ZNF302: variants seen among roughly 807,000 people sequenced by gnomAD.
ZNF302 encodes the protein zinc finger protein 302, also known as zinc finger protein 327.
ZNF302 carries 12 observed loss-of-function variants against 10.8 expected under a neutral mutation model. That is an observed-to-expected ratio of 1.11 (90% CI 0.71 to 1.79). The LOEUF (loss-of-function observed/expected upper bound fraction) is 1.79, where lower values mean the gene tolerates loss of function less well. Among genes scored for constraint, ZNF302 ranks in the 40% most tolerant of loss-of-function variants. The probability of loss-of-function intolerance (pLI) is 0.00; values close to 1 mark genes in which losing one functional copy is unlikely to be tolerated. For missense variants in ZNF302, 461 were observed against 471.1 expected, an observed-to-expected ratio of 0.98 and a Z score of 0.20; for synonymous variants, 178 against 157.5, an observed-to-expected ratio of 1.13 and a Z score of -0.98.
At position 34,679,521 on chromosome 19, in the gene ZNF302, G is replaced by C. The variant is rs116114180; in HGVS notation, c.9+708G>C. ...CTTCTCTGCCTCCTCATTCCTGTGC[G>C]CTCCAGCCTCTGTCACCAGTTGCTG... On this transcript the variant is annotated intron_variant, in intron 2 of 4. Transcript: ENST00000505242. Among the ~76,000 whole-genome samples, 409 of 152,152 alleles carry C rather than the reference G, an allele frequency of 2.7e-3. 2 individuals are homozygous for C. Among genetic ancestry groups the C allele is most frequent in the African/African-American group, 9.0e-3 (372 of 41,480 alleles).
rs369037102 is a variant in ZNF302, at chr19:34,683,266, C to T, written c.214+28C>T. 50 of 1,612,158 alleles carry T rather than the reference C, an allele frequency of 3.1e-5. 1 individual carries two copies. The Middle Eastern group carries it at 6.6e-4, about 21-fold the overall frequency. On this transcript the variant is annotated intron_variant, in intron 4 of 4. Coordinates refer to ENST00000505242, the MANE Select transcript of ZNF302 (RefSeq NM_001289187.2). ...ATGATTCCACATGAGTCATGGTGAACGAGACAAAGGAAGATTTTGTTAAAG... is the reference window on the plus strand; with the variant it reads ...ATGATTCCACATGAGTCATGGTGAATGAGACAAAGGAAGATTTTGTTAAAG...
Position 34,682,782 on chromosome 19 carries a change from A to G in ZNF302, c.15A>G (p.Thr5=), listed in dbSNP as rs1401597537. 6.2e-7 allele frequency: 1 copy of G among 1,613,438 alleles called. No homozygotes were observed. The highest frequency in any genetic ancestry group is 1.1e-5 in the South Asian group (1 of 91,072). MSQV[T]FSDVAIDFSH... is the part of the protein sequence containing the mutation. ...AAATATATTTGCTATTTCAGGTGAC[A>G]TTTAGTGATGTGGCTATAGACTTCT... The change falls in exon 3 of 5, where the codon ACA becomes ACG. Residue 5 remains threonine (T), a synonymous_variant. Coordinates refer to ENST00000505242, the MANE Select transcript of ZNF302 (RefSeq NM_001289187.2).
chr19:34,685,244 A>G lies in ZNF302; in HGVS notation c.*7A>G. ...AAAACCGTTTGAAGTTTAGAAATGCAGGAAATCCTTCAACCAGCTTGAATC... is the reference window on the plus strand; with the variant it reads ...AAAACCGTTTGAAGTTTAGAAATGCGGGAAATCCTTCAACCAGCTTGAATC... On this transcript the variant is annotated 3_prime_UTR_variant, in exon 5 of 5. Transcript: ENST00000505242. 1 of 1,613,262 alleles carries G rather than the reference A, an allele frequency of 6.2e-7. No individual in the cohort carries two copies. The highest frequency in any genetic ancestry group is 8.5e-7 in the Non-Finnish European group (1 of 1,179,532).
At chr19:34,680,460 ATTTT>A (rs1005320186) in intron 2 of ZNF302, among the ~76,000 whole-genome samples, 1 of 152,206 alleles carries the variant, frequency 6.6e-6, no homozygotes, top group African/African-American at 2.4e-5. Context: ...TAAATTTTAA[ATTTT>A]ATTTAATTAT....
intron 2 of ZNF302, among the ~76,000 whole-genome samples, chr19:34,680,590 G>A (rs552105160): frequency 6.6e-6 from 1 of 152,332 alleles, no homozygotes; most frequent in South Asian, 2.1e-4. Context: ...TTAAATAAGT[G>A]CTAGGATAGA....
rs1447776032 is a variant in ZNF302 at position 34,685,691 on chromosome 19, A to G, written c.*454A>G. ...TAGATCCTCCCTTATTTAACATCAG[A>G]AAAATGTATACTGGGGAAAAGTTGT... is the stretch of plus-strand genomic sequence containing the variant. On this transcript the variant is annotated 3_prime_UTR_variant, in exon 5 of 5. Transcript: ENST00000505242. 3 of 699,752 alleles carry G rather than the reference A, an allele frequency of 4.3e-6. No homozygotes were observed. The African/African-American group carries it at 5.3e-5, about 12-fold the overall frequency. The allele number at this position is 699,752 out of a possible 1,614,324, so 43.3% of individuals were successfully genotyped here.
At position 34,685,749 on chromosome 19, in the gene ZNF302, A is replaced by G. The variant is rs1445944856; in HGVS notation, c.*512A>G. 38 of 568,050 alleles carry G rather than the reference A, an allele frequency of 6.7e-5. No individual in the cohort carries two copies. In the Admixed American group the frequency reaches 9.3e-4, roughly 14 times the overall value. The allele number at this position is 568,050 out of a possible 1,614,324, so 35.2% of individuals were successfully genotyped here. A position where few individuals can be genotyped will look rare whatever the true frequency, so the allele number is the denominator to read the frequency against. On this transcript the variant is annotated 3_prime_UTR_variant, in exon 5 of 5. Coordinates refer to ENST00000505242, the MANE Select transcript of ZNF302 (RefSeq NM_001289187.2). The stretch of plus-strand genomic sequence containing the variant: ...TGGTGAACATGGGAGACTTTTAGCA[A>G]TGATGCAGATTTTTTTATTAGAGTT...
In ZNF302 at chr19:34,684,865, G is replaced by A; in HGVS notation, c.828G>A (p.Gln276=). The A allele has an allele frequency of 6.2e-7, 1 of 1,613,792 alleles. No homozygotes were observed. Among genetic ancestry groups the A allele is most frequent in the Non-Finnish European group, 8.5e-7 (1 of 1,179,794 alleles). The change falls in exon 5 of 5, where the codon CAG becomes CAA. Residue 276 remains glutamine (Q), a synonymous_variant. Coordinates refer to ENST00000505242, the MANE Select transcript of ZNF302 (RefSeq NM_001289187.2). ...FSHGSSLTNH[Q]STHTGEKPYE... is the part of the protein sequence containing the mutation. ...ATGGCTCATCACTTACTAACCATCA[G>A]AGCACTCACACGGGAGAGAAACCGT...
At chr19:34,684,146 C>T in intron 4 of ZNF302, 106 bp from the exon 5 acceptor site, 3 of 1,240,116 alleles carry the variant, frequency 2.4e-6, no homozygotes, top group Admixed American at 3.1e-5. Flanking sequence ...CTCCTAATTC[C>T]ACTGTAGAAG....
chr19:34,678,918 A>C (rs1023022289), intron 2 of ZNF302, 105 bp downstream of exon 2: 1 of 1,370,804 alleles, frequency 7.3e-7, no homozygotes, highest in African/African-American at 1.4e-5. Flanking sequence ...CATTTAAGGG[A>C]CTAGATCTAT....
At chr19:34,683,753 C>T (rs1309738497) in intron 4 of ZNF302, among the ~76,000 whole-genome samples, 1 of 152,046 alleles carries the variant, frequency 6.6e-6, no homozygotes, top group Non-Finnish European at 1.5e-5. Flanking sequence ...CTATAAAGAG[C>T]ATTTACTTTG....
chr19:34,685,555 G>T lies in ZNF302; in HGVS notation c.*318G>T. ...CCCATCAAAGAGTACATAATGGAGA[G>T]AAACCCAATAGTGTGGTAAGTGTGG... On this transcript the variant is annotated 3_prime_UTR_variant, in exon 5 of 5. Transcript: ENST00000505242. 1 of 1,532,142 alleles carries T rather than the reference G, an allele frequency of 6.5e-7. No homozygotes were observed. The highest frequency in any genetic ancestry group is 1.7e-5 in the Admixed American group (1 of 59,670). 94.9% of individuals were successfully genotyped at this position (1,532,142 alleles called of 1,614,324 possible).
chr19:34,684,065 TTCAGAAGTCACTGAAATATTTGAGTTG>T (rs1441475305), intron 4 of ZNF302, 160 bp from the exon 5 acceptor site: 1 of 1,524,776 alleles, frequency 6.6e-7, no homozygotes, highest in Admixed American at 2.0e-5. Context: ...TTGAGCATTG[TTCAGAAGTCACTGAAATATTTGAGTTG>T]TCAGAACTAT....
At position 34,683,339 on chromosome 19, in the gene ZNF302, A is replaced by G. The variant is rs2068460389; in HGVS notation, c.214+101A>G. On this transcript the variant is annotated intron_variant, in intron 4 of 4. Coordinates refer to ENST00000505242, the MANE Select transcript of ZNF302 (RefSeq NM_001289187.2). ...CATTTTAGGGATACTGTCTTCAAAG[A>G]TCTCAGATAGAAATGAAAAATTGAG... 2.2e-6 allele frequency: 3 copies of G among 1,357,132 alleles called. No homozygotes were observed. The South Asian group carries it at 4.0e-5, about 18-fold the overall frequency. 84.1% of individuals were successfully genotyped at this position (1,357,132 alleles called of 1,614,324 possible).
chr19:34,684,201 A>G, intron 4 of ZNF302, 51 bp from the exon 5 acceptor site: 1 of 1,182,706 alleles, frequency 8.5e-7, no homozygotes, highest in Non-Finnish European at 1.1e-6. Context: ...AAAAAAAAAA[A>G]AAAAAAAAAA....
rs112380747 is a variant in ZNF302 at position 34,679,603 on chromosome 19, C to T, written c.9+790C>T. 3.9e-3 allele frequency among the ~76,000 whole-genome samples: 598 copies of T among 152,302 alleles called. 2 individuals carry two copies. The highest frequency in any genetic ancestry group is 6.7e-3 in the Non-Finnish European group (456 of 68,022). ...TACGCACAAGCTTGCATCCTTATCT[C>T]CTTCTGTGTTTGTTCCGTGGTTACT... On this transcript the variant is annotated intron_variant, in intron 2 of 4. Transcript: ENST00000505242.
upstream of ZNF302, chr19:34,676,337 C>G (rs1366347442): frequency 6.6e-6 from 1 of 152,184 alleles, no homozygotes; most frequent in Non-Finnish European, 1.5e-5. Context: ...CTAAGAGAAA[C>G]GCTCATCAGT....
At chr19:34,679,278 C>G (rs1185754166) in intron 2 of ZNF302, among the ~76,000 whole-genome samples, 1 of 152,216 alleles carries the variant, frequency 6.6e-6, no homozygotes. Flanking sequence ...CCACCCCAGT[C>G]CGAGCCACCT....
At chr19:34,682,703 G>C in intron 2 of ZNF302, 74 bp from the exon 3 acceptor site, 1 of 1,587,696 alleles carries the variant, frequency 6.3e-7, no homozygotes, top group Non-Finnish European at 8.5e-7. Context: ...CCACAAGCAG[G>C]CTAATTTTAC....
Sources: allele counts gnomAD v4.1 joint callset (sites outside exome capture counted in the v4.1 genomes callset), GRCh38; gene constraint gnomAD v4.1.1; transcripts MANE v1.5; gene names NCBI Gene and HGNC (gene_info 2026-07-23, HGNC 2026-07-21).